Variants in FANCA observed in about 807,000 individuals in gnomAD.
FANCA encodes Fanconi anemia group A protein.
In FANCA, 236 loss-of-function variants were observed where a neutral mutation model predicts 194.3. That is an observed-to-expected ratio of 1.21 (90% confidence interval 1.09 to 1.35). The LOEUF is 1.35. Among genes scored for constraint, FANCA ranks in the 40% most tolerant of loss-of-function variants. The probability of loss-of-function intolerance (pLI) is 0.00; values close to 1 mark genes in which losing one functional copy is unlikely to be tolerated. For synonymous variants in FANCA, 1,014 were observed against 715.8 expected (o/e 1.42, Z -6.65); for missense variants, 2,628 against 1,813.9 (o/e 1.45, Z -8.15).
rs186284450 is a variant in FANCA, at chr16:89,813,064, C to T, written c.283+1456G>A. ...AAAAAAAAAAAATTTTACAATAGTT[C>T]TAGAAGCTTAAAATTATAGTACGAG... is the stretch of plus-strand genomic sequence containing the variant. On this transcript the variant is annotated intron_variant, in intron 3 of 42. Transcript: ENST00000389301. Among the ~76,000 whole-genome samples, 413 of 150,646 alleles carry T rather than the reference C, an allele frequency of 2.7e-3. 1 individual carries two copies. Among genetic ancestry groups the T allele is most frequent in the African/African-American group, 9.8e-3 (402 of 40,972 alleles).
intron 11 of FANCA, among the ~76,000 whole-genome samples, chr16:89,793,972 G>A (rs541383402): frequency 1.3e-5 from 2 of 152,078 alleles, no homozygotes; most frequent in Admixed American, 6.6e-5. Context: ...GGCTGGTCTC[G>A]AACTTCTGAC....
intron 40 of FANCA, 45 bp downstream of exon 40, chr16:89,739,410 CCAGAGGTGCTGAGATGGGGGTCT>C: frequency 6.4e-7 from 1 of 1,561,514 alleles, no homozygotes; most frequent in Non-Finnish European, 8.7e-7. Context: ...CTGGCGGGAC[CCAGAGGTGCTGAGATGGGGGTCT>C]GGGAAACACT....
intron 15 of FANCA, among the ~76,000 whole-genome samples, chr16:89,784,590 T>G (rs562367648): frequency 6.6e-6 from 1 of 152,232 alleles, no homozygotes; most frequent in South Asian, 2.1e-4. Context: ...CCCACCTCCT[T>G]GGCCTAGGTG....
chr16:89,784,788 G>C, intron 15 of FANCA, 66 bp downstream of exon 15: 2 of 1,264,692 alleles, frequency 1.6e-6, no homozygotes, highest in Admixed American at 1.7e-5. Context: ...GGAGGCCAAG[G>C]CAGTCCTCAG....
chr16:89,815,687 TAA>T (rs1181474117), intron 2 of FANCA, among the ~76,000 whole-genome samples, 188 bp downstream of exon 2: 1 of 152,062 alleles, frequency 6.6e-6, no homozygotes, highest in Non-Finnish European at 1.5e-5. Flanking sequence ...TTGTTTTTAA[TAA>T]AAGAGGCGGG....
intron 21 of FANCA, among the ~76,000 whole-genome samples, chr16:89,774,635 C>T (rs1337983209): frequency 2.1e-5 from 3 of 145,848 alleles, no homozygotes; most frequent in Non-Finnish European, 4.5e-5. Flanking sequence ...GAGGCTGAGG[C>T]AGGAGAATGG....
chr16:89,762,673 G>T, intron 28 of FANCA: 1 of 363,260 alleles, frequency 2.8e-6, no homozygotes, highest in African/African-American at 2.1e-5. Context: ...CTGTTGCCCA[G>T]GCTGGAGTGT....
rs529908197 is a variant in FANCA, at chr16:89,752,639, C to G, written c.2982-417G>C. ...TTCCAATATTATGATAATCCTCACT[C>G]AATAATCATAGCCTAGGAAAAACCA... On this transcript the variant is annotated intron_variant, in intron 30 of 42. Transcript: ENST00000389301. 3.6e-4 allele frequency among the ~76,000 whole-genome samples: 55 copies of G among 152,306 alleles called. No individual in the cohort carries two copies. In the South Asian group the frequency reaches 0.011, roughly 30 times the overall value.
intron 9 of FANCA, among the ~76,000 whole-genome samples, 164 bp from the exon 10 acceptor site, chr16:89,799,396 C>T (rs17232407): frequency 1.2e-3 from 179 of 152,290 alleles, no homozygotes; most frequent in African/African-American, 4.1e-3. Flanking sequence ...AACACACAGA[C>T]AAGAAAATGC....
intron 39 of FANCA, 22 bp from the exon 40 acceptor site, chr16:89,739,575 C>G: frequency 6.4e-7 from 1 of 1,550,426 alleles, no homozygotes; most frequent in South Asian, 1.2e-5. Flanking sequence ...AGAAGTGGCT[C>G]AGGCAACTCT....
At chr16:89,767,354 G>A in intron 26 of FANCA, 117 bp from the exon 27 acceptor site, 2 of 772,970 alleles carry the variant, frequency 2.6e-6, no homozygotes, top group East Asian at 2.7e-5. Flanking sequence ...GATGGCCTGA[G>A]CATTGGTCCT....
In FANCA at chr16:89,811,185, T is replaced by G. The variant is rs2040865324; in HGVS notation, c.284-114A>C. ...AAGATGCAGCACAAAAAAAATTGCC[T>G]TTTAAACGGGGAGAATAGATGCAAA... On this transcript the variant is annotated intron_variant, in intron 3 of 42. Transcript: ENST00000389301. The G allele has an allele frequency of 2.2e-6, 3 of 1,355,940 alleles. No homozygotes were observed. In the South Asian group the frequency reaches 3.6e-5, roughly 16 times the overall value. 84.0% of individuals were successfully genotyped at this position (1,355,940 alleles called of 1,614,324 possible). A position where few individuals can be genotyped will look rare whatever the true frequency, so the allele number is the denominator to read the frequency against.
chr16:89,773,028 T>G (rs566534048), intron 22 of FANCA, among the ~76,000 whole-genome samples: 1 of 152,242 alleles, frequency 6.6e-6, no homozygotes, highest in African/African-American at 2.4e-5. Flanking sequence ...TTCGTCCTAC[T>G]CAGATGCAAC....
intron 31 of FANCA, among the ~76,000 whole-genome samples, chr16:89,750,481 TCAAAAAAAAACAAA>T (rs920260395): frequency 4.9e-5 from 5 of 102,524 alleles, no homozygotes; most frequent in Non-Finnish European, 8.1e-5. Flanking sequence ...AGACTCCGTC[TCAAAAAAAAACAAA>T]CAAAAAAAAA....
In FANCA at chr16:89,738,567, C is replaced by T. The variant is rs190645652; in HGVS notation, c.*34G>A. ...TTATGCTTGTAATAAATTATTTACA[C>T]GGGAGCTGGGCTGGTGTGCAGTGGC... On this transcript the variant is annotated 3_prime_UTR_variant, in exon 43 of 43. Coordinates refer to ENST00000389301, the MANE Select transcript of FANCA (RefSeq NM_000135.4). 126 of 1,612,758 alleles carry T rather than the reference C, an allele frequency of 7.8e-5. No individual in the cohort carries two copies. The highest frequency in any genetic ancestry group is 2.0e-4 in the Middle Eastern group (1 of 5,120).
chr16:89,811,502 G>A (rs1336870416), intron 3 of FANCA, among the ~76,000 whole-genome samples: 1 of 152,122 alleles, frequency 6.6e-6, no homozygotes, highest in Non-Finnish European at 1.5e-5. Flanking sequence ...AAATTAGGCA[G>A]GGATTTCCCA....
At position 89,770,099 on chromosome 16, in the gene FANCA, T is replaced by C. The variant is rs7200990; in HGVS notation, c.2316+67A>G. 0.96 allele frequency: 1,520,834 copies of C among 1,577,624 alleles called. 733,230 individuals are homozygous for C. The highest frequency in any genetic ancestry group is 1 in the East Asian group (43,156 of 43,160). ...AATTTTCCAGGGCACTGAAGACGAA[T>C]TGAGAAGTAGCAGCCTGGCCCTCAG... On this transcript the variant is annotated intron_variant, in intron 25 of 42. Transcript: ENST00000389301.
intron 30 of FANCA, among the ~76,000 whole-genome samples, chr16:89,755,217 T>TA (rs1390924904): frequency 1.3e-5 from 2 of 152,072 alleles, no homozygotes; most frequent in Admixed American, 1.3e-4. Flanking sequence ...CAACAATTTT[T>TA]TTTTTTTTTT....
Position 89,815,845 on chromosome 16 carries a change from C to G in FANCA, c.189+32G>C, listed in dbSNP as rs1371397806. On this transcript the variant is annotated intron_variant, in intron 2 of 42. Coordinates refer to ENST00000389301, the MANE Select transcript of FANCA (RefSeq NM_000135.4). ...GGACTCAAAAACCCCGAACCTAAATCTGCCCGCAGACGGACACCAGCTTCC... is the reference window on the plus strand; with the variant it reads ...GGACTCAAAAACCCCGAACCTAAATGTGCCCGCAGACGGACACCAGCTTCC... The G allele has an allele frequency of 2.6e-6, 4 of 1,536,254 alleles. No individual in the cohort carries two copies. The South Asian group carries it at 4.5e-5, about 17-fold the overall frequency.
Sources: allele counts gnomAD v4.1 joint callset (sites outside exome capture counted in the v4.1 genomes callset), GRCh38; gene constraint gnomAD v4.1.1; transcripts MANE v1.5; gene names NCBI Gene and HGNC (gene_info 2026-07-23, HGNC 2026-07-21).